The following SH3GL2 variants were observed in gnomAD, a reference collection of about 807,000 sequenced individuals.
The protein encoded by SH3GL2 is SH3 domain containing GRB2 like 2, endophilin A1.
A neutral mutation model predicts 46.0 loss-of-function variants in SH3GL2; 24 were observed. The ratio of observed to expected loss-of-function variants is 0.52; its 90% CI spans 0.38 to 0.73. The LOEUF (loss-of-function observed/expected upper bound fraction) is 0.73. SH3GL2 is among the 30% of genes least tolerant of loss of function. The probability of loss-of-function intolerance (pLI) is 0.00; values close to 1 mark genes in which losing one functional copy is unlikely to be tolerated. For synonymous variants in SH3GL2, 196 were observed against 147.1 expected, an observed-to-expected ratio of 1.33 and a Z score of -2.40; for missense variants, 413 against 424.2, an observed-to-expected ratio of 0.97 and a Z score of 0.23.
At chr9:17,749,700 A>G (rs1167368560) in intron 2 of SH3GL2, among the ~76,000 whole-genome samples, 1 of 152,234 alleles carries the variant, frequency 6.6e-6, no homozygotes, top group Non-Finnish European at 1.5e-5. Context: ...AGTAGAATTT[A>G]TCACTGAGCA....
At chr9:17,595,842 C>G (rs1035343285) in intron 1 of SH3GL2, among the ~76,000 whole-genome samples, 7 of 151,974 alleles carry the variant, frequency 4.6e-5, no homozygotes, top group Admixed American at 1.3e-4. Context: ...CTAAAATGCA[C>G]TGAGAATTTA....
intron 1 of SH3GL2, among the ~76,000 whole-genome samples, chr9:17,635,065 A>G (rs1819511375): frequency 6.6e-6 from 1 of 152,162 alleles, no homozygotes; most frequent in Non-Finnish European, 1.5e-5. Context: ...AGTTTGTTGT[A>G]CAGATGATTT....
chr9:17,715,707 A>G (rs1011216418), intron 1 of SH3GL2, among the ~76,000 whole-genome samples: 5 of 151,898 alleles, frequency 3.3e-5, no homozygotes, highest in Admixed American at 6.6e-5. Context: ...TCAACTCATA[A>G]TGGGCATCGC....
intron 1 of SH3GL2, among the ~76,000 whole-genome samples, chr9:17,706,078 A>C (rs989760423): frequency 2.0e-5 from 3 of 152,056 alleles, no homozygotes; most frequent in Non-Finnish European, 4.4e-5. Flanking sequence ...TATCAAAGTA[A>C]TGTCGATATA....
At chr9:17,694,171 T>C (rs537989771) in intron 1 of SH3GL2, among the ~76,000 whole-genome samples, 1 of 152,266 alleles carries the variant, frequency 6.6e-6, no homozygotes, top group African/African-American at 2.4e-5. Flanking sequence ...CTGAGACTGG[T>C]AATTTATGAA....
chr9:17,723,932 A>G (rs1226276338), intron 1 of SH3GL2, among the ~76,000 whole-genome samples: 1 of 152,080 alleles, frequency 6.6e-6, no homozygotes, highest in Non-Finnish European at 1.5e-5. Context: ...TCAAGAGTTT[A>G]TCTTTCAACG....
At chr9:17,714,366 A>C (rs1157230208) in intron 1 of SH3GL2, among the ~76,000 whole-genome samples, 1 of 151,718 alleles carries the variant, frequency 6.6e-6, no homozygotes, top group East Asian at 1.9e-4. Context: ...TAATATGATT[A>C]TTCATATCTT....
chr9:17,611,088 A>G (rs555627214), intron 1 of SH3GL2, among the ~76,000 whole-genome samples: 55 of 152,302 alleles, frequency 3.6e-4, no homozygotes, highest in African/African-American at 1.2e-3. Context: ...TTCATGACAG[A>G]TGTAAAGAAC....
At chr9:17,583,174 C>T (rs1818308746) in intron 1 of SH3GL2, among the ~76,000 whole-genome samples, 1 of 152,152 alleles carries the variant, frequency 6.6e-6, no homozygotes, top group African/African-American at 2.4e-5. Context: ...TCTAAGAGGA[C>T]AGTTCAGCCT....
chr9:17,786,754 C>A (rs933223806), intron 4 of SH3GL2, among the ~76,000 whole-genome samples: 3 of 151,756 alleles, frequency 2.0e-5, no homozygotes, highest in Non-Finnish European at 4.4e-5. Flanking sequence ...TCAGTCTTTA[C>A]AACAGCTTTG....
intron 1 of SH3GL2, among the ~76,000 whole-genome samples, chr9:17,695,331 AG>A (rs1343805778): frequency 2.0e-5 from 3 of 152,318 alleles, no homozygotes; most frequent in South Asian, 2.1e-4. Flanking sequence ...CCCACGAGCT[AG>A]CCTCTGCTTC....
At chr9:17,649,404 G>A (rs1021575838) in intron 1 of SH3GL2, among the ~76,000 whole-genome samples, 4 of 152,126 alleles carry the variant, frequency 2.6e-5, no homozygotes, top group African/African-American at 7.2e-5. Context: ...TGAAACCAGT[G>A]TTCTGAATTA....
chr9:17,585,348 G>T (rs1450873151), intron 1 of SH3GL2, among the ~76,000 whole-genome samples: 1 of 152,338 alleles, frequency 6.6e-6, no homozygotes, highest in South Asian at 2.1e-4. Flanking sequence ...CCAGATAGGG[G>T]AGATGCTAAG....
intron 1 of SH3GL2, among the ~76,000 whole-genome samples, chr9:17,594,265 A>T (rs1319649464): frequency 6.6e-6 from 1 of 152,034 alleles, no homozygotes; most frequent in Non-Finnish European, 1.5e-5. Flanking sequence ...GACACCTTGC[A>T]ATTATGCCAT....
chr9:17,794,986 G>T (rs1824237039), intron 8 of SH3GL2, among the ~76,000 whole-genome samples: 1 of 152,248 alleles, frequency 6.6e-6, no homozygotes, highest in South Asian at 2.1e-4. Flanking sequence ...CTTGAACTCA[G>T]TGTTTTATAT....
At chr9:17,659,261 T>A (rs539141811) in intron 1 of SH3GL2, among the ~76,000 whole-genome samples, 1 of 152,286 alleles carries the variant, frequency 6.6e-6, no homozygotes, top group African/African-American at 2.4e-5. Flanking sequence ...AGACAAAGCT[T>A]TGGTTCCCTT....
At chr9:17,626,961 T>A (rs1819295217) in intron 1 of SH3GL2, among the ~76,000 whole-genome samples, 1 of 152,188 alleles carries the variant, frequency 6.6e-6, no homozygotes, top group Non-Finnish European at 1.5e-5. Flanking sequence ...TGAGCAGGTC[T>A]GAGCCAGGAT....
intron 1 of SH3GL2, among the ~76,000 whole-genome samples, chr9:17,615,228 A>T (rs568468769): frequency 2.0e-5 from 3 of 152,352 alleles, no homozygotes; most frequent in African/African-American, 7.2e-5. Flanking sequence ...AGTCTGTTTT[A>T]CAAGAAGTGT....
chr9:17,626,594 A>G (rs1315807565), intron 1 of SH3GL2, among the ~76,000 whole-genome samples: 1 of 152,230 alleles, frequency 6.6e-6, no homozygotes, highest in Non-Finnish European at 1.5e-5. Context: ...CATATCAGGT[A>G]ACCTTTACCA....
Sources: gnomAD v4.1 joint callset for allele counts (sites outside exome capture counted in the v4.1 genomes callset) on GRCh38, gnomAD v4.1.1 for gene constraint, MANE v1.5 for transcripts, NCBI Gene and HGNC (gene_info 2026-07-23, HGNC 2026-07-21) for gene names.